Variants in IL4I1 observed in about 807,000 individuals in gnomAD.
The protein encoded by IL4I1 is L-amino-acid oxidase.
Under a neutral mutation model 29.7 loss-of-function variants are expected in IL4I1, and 24 were observed. The ratio of observed to expected loss-of-function variants is 0.81; its 90% CI spans 0.59 to 1.14. The LOEUF (loss-of-function observed/expected upper bound fraction) is 1.14. Ranked by LOEUF, IL4I1 falls within the 50% of genes most tolerant of loss-of-function variation. The pLI, the probability that IL4I1 is intolerant of heterozygous loss-of-function variation, is 0.00. For missense variants in IL4I1, 686 were observed against 785.6 expected (o/e 0.87, Z 1.52); for synonymous variants, 371 against 352.5 (o/e 1.05, Z -0.59).
intron 2 of IL4I1, among the ~76,000 whole-genome samples, chr19:49,918,215 G>C (rs960863248): frequency 6.6e-6 from 1 of 151,888 alleles, no homozygotes; most frequent in Non-Finnish European, 1.5e-5. Flanking sequence ...ACAGGCATAC[G>C]CCGCCATGCC....
chr19:49,920,906 G>A (rs2075751301), intron 2 of IL4I1, among the ~76,000 whole-genome samples: 1 of 152,200 alleles, frequency 6.6e-6, no homozygotes, highest in Non-Finnish European at 1.5e-5. Flanking sequence ...CTTCCCCGGG[G>A]AGAGGCAGTG....
At chr19:49,925,935 G>A (rs938408948) in intron 2 of IL4I1, among the ~76,000 whole-genome samples, 5 of 152,148 alleles carry the variant, frequency 3.3e-5, no homozygotes, top group African/African-American at 7.2e-5. Context: ...ACCCCCTTGG[G>A]TACGGTGGCT....
chr19:49,928,843 G>C (rs1321871825), intron 1 of IL4I1: 1 of 152,254 alleles, frequency 6.6e-6, no homozygotes, highest in Admixed American at 6.5e-5. Context: ...AACTGGTGCA[G>C]GTCTGCGGGA....
chr19:49,926,108 C>G (rs1357377890), intron 2 of IL4I1, among the ~76,000 whole-genome samples: 1 of 149,440 alleles, frequency 6.7e-6, no homozygotes, highest in Non-Finnish European at 1.5e-5. Flanking sequence ...ACTCTGGAGC[C>G]TGAAGCAGGA....
rs753980117 is a variant in IL4I1, at chr19:49,890,150, G to A, written c.1224C>T (p.Ala408=). 1.3e-6 allele frequency: 2 copies of A among 1,541,306 alleles called. No homozygotes were observed. The highest frequency in any genetic ancestry group is 2.0e-5 in the Admixed American group (1 of 50,862). The part of the protein sequence containing the change: ...YTWSDAAAAF[A]GLSREEALRL... ...GCAACGCCTCTTCCCGGCTCAAGCC[G>A]GCGAACGCTGCCGCCGCGTCCGACC... The change falls in exon 8 of 8, where the codon GCC becomes GCT. Residue 408 remains alanine (A), a synonymous_variant. Coordinates refer to ENST00000391826, the MANE Select transcript of IL4I1 (RefSeq NM_152899.2).
rs1323597062 is a variant in IL4I1, at chr19:49,909,561, A to G, written c.-227-5240T>C. 4.3e-6 allele frequency: 7 copies of G among 1,614,082 alleles called. No individual in the cohort carries two copies. The highest frequency in any genetic ancestry group is 1.7e-5 in the Admixed American group (1 of 60,008). On this transcript the variant is annotated intron_variant, in intron 2 of 9. Coordinates refer to the IL4I1 transcript ENST00000341114. Reference sequence around the variant, plus strand: ...CCCAAAGAAAATCCAGTTCCCCCCGAAGCAAGAGTCGCTGTTCCAAAAGTG... The same window carrying G: ...CCCAAAGAAAATCCAGTTCCCCCCGGAGCAAGAGTCGCTGTTCCAAAAGTG...
chr19:49,913,063 G>A (rs1444969750), intron 2 of IL4I1: 1 of 152,408 alleles, frequency 6.6e-6, no homozygotes, highest in Non-Finnish European at 1.5e-5. Flanking sequence ...CACATGCTGT[G>A]GGAGCAGGTT....
intron 2 of IL4I1, among the ~76,000 whole-genome samples, chr19:49,913,806 G>A (rs912713214): frequency 6.6e-6 from 1 of 152,204 alleles, no homozygotes; most frequent in African/African-American, 2.4e-5. Flanking sequence ...CACGTGACAG[G>A]CGGGAGAATC....
chr19:49,895,534 C>T (rs536857135), intron 3 of IL4I1, among the ~76,000 whole-genome samples: 1 of 152,318 alleles, frequency 6.6e-6, no homozygotes, highest in East Asian at 1.9e-4. Context: ...GAGTTTCCCT[C>T]TCCACCAACA....
In IL4I1 at chr19:49,908,552, C is replaced by T. The variant is rs778559091; in HGVS notation, c.-227-4231G>A. The T allele has an allele frequency of 2.5e-6, 4 of 1,614,078 alleles. No individual in the cohort carries two copies. In the East Asian group the frequency reaches 6.7e-5, roughly 27 times the overall value. Reference sequence around the variant, plus strand: ...ATCCGCGTGCTGCAGGTAGATGGTCCCGCTCTGCTCCTTGACCAACTCCTC... The same window carrying T: ...ATCCGCGTGCTGCAGGTAGATGGTCTCGCTCTGCTCCTTGACCAACTCCTC... On this transcript the variant is annotated intron_variant, in intron 2 of 9. Transcript: ENST00000341114.
Position 49,895,801 on chromosome 19 carries a change from G to A in IL4I1, c.252+14C>T, listed in dbSNP as rs372296116. 5.3e-5 allele frequency: 81 copies of A among 1,515,056 alleles called. No individual in the cohort carries two copies. In the African/African-American group the frequency reaches 1.1e-3, roughly 20 times the overall value. 93.9% of individuals were successfully genotyped at this position (1,515,056 alleles called of 1,614,324 possible). On this transcript the variant is annotated intron_variant, in intron 3 of 7. Transcript: ENST00000391826. ...AGGAGGGACTCCAGGTAGACTGCAA[G>A]CAGTGCTTCCCACCTTGTGTCCAGC...
chr19:49,892,645 C>A (rs947401795), intron 5 of IL4I1, among the ~76,000 whole-genome samples: 1 of 152,208 alleles, frequency 6.6e-6, no homozygotes, highest in South Asian at 2.1e-4. Flanking sequence ...CTCCCAGAAG[C>A]CTTGCTGCCC....
rs554024394 is a variant in IL4I1, at chr19:49,926,743, A to G, written c.-228+951T>C. On this transcript the variant is annotated intron_variant, in intron 2 of 9. Coordinates refer to the IL4I1 transcript ENST00000341114. ...ATGAGAACACATCCACCTTAATTAC[A>G]GCAATAACAATAACCACTTTTATGC... Among the ~76,000 whole-genome samples the G allele has an allele frequency of 9.2e-5, 14 of 152,290 alleles. No individual in the cohort carries two copies. The South Asian group carries it at 2.9e-3, about 32-fold the overall frequency.
Position 49,916,656 on chromosome 19 carries a change from C to T in IL4I1, c.-228+11038G>A, listed in dbSNP as rs559500970. 1.7e-4 allele frequency among the ~76,000 whole-genome samples: 25 copies of T among 151,350 alleles called. No homozygotes were observed. In the South Asian group the frequency reaches 3.1e-3, roughly 19 times the overall value. ...GTGGGTGCCCGTAGTCCCAGCTACT[C>T]GGGAGGCTGAGGCAGGAGAATGGCA... On this transcript the variant is annotated intron_variant, in intron 2 of 9. Coordinates refer to the IL4I1 transcript ENST00000341114.
chr19:49,906,591 C>T (rs1023113739), intron 2 of IL4I1, among the ~76,000 whole-genome samples: 1 of 152,238 alleles, frequency 6.6e-6, no homozygotes, highest in African/African-American at 2.4e-5. Context: ...TCGTGTGTTC[C>T]TCTTCTACCA....
At chr19:49,894,771 G>A (rs932589403) in intron 4 of IL4I1, among the ~76,000 whole-genome samples, 5 of 151,914 alleles carry the variant, frequency 3.3e-5, no homozygotes, top group African/African-American at 1.2e-4. Context: ...GGGGCCTGGG[G>A]CTGGGGTGCC....
chr19:49,893,357 G>A (rs911192270), intron 5 of IL4I1, among the ~76,000 whole-genome samples: 2 of 151,734 alleles, frequency 1.3e-5, no homozygotes, highest in African/African-American at 4.8e-5. Context: ...AGCGTCAGGC[G>A]GCAGGGGTGG....
At chr19:49,927,059 C>T (rs2075912677) in intron 2 of IL4I1, among the ~76,000 whole-genome samples, 1 of 152,040 alleles carries the variant, frequency 6.6e-6, no homozygotes, top group South Asian at 2.1e-4. Flanking sequence ...CAGGGTTTCA[C>T]CATGTTGCCC....
intron 2 of IL4I1, among the ~76,000 whole-genome samples, chr19:49,906,571 G>A (rs2075327252): frequency 6.6e-6 from 1 of 152,202 alleles, no homozygotes. Flanking sequence ...ACTCCCCGTG[G>A]CGGCTTCACT....
Sources: gnomAD v4.1 joint callset for allele counts (sites outside exome capture counted in the v4.1 genomes callset) on GRCh38, gnomAD v4.1.1 for gene constraint, MANE v1.5 for transcripts, NCBI Gene and HGNC (gene_info 2026-07-23, HGNC 2026-07-21) for gene names.